Variants in LRFN2 observed in about 807,000 individuals in gnomAD.
The protein encoded by LRFN2 is leucine-rich repeat and fibronectin type-III domain-containing protein 2.
Under a neutral mutation model 37.3 loss-of-function variants are expected in LRFN2, and 18 were observed. The observed-to-expected ratio is 0.48, with a 90% CI of 0.33 to 0.72. The LOEUF is 0.72. Among genes scored for constraint, LRFN2 ranks in the 30% least tolerant of loss-of-function variants. The pLI, the probability that LRFN2 is intolerant of heterozygous loss-of-function variation, is 0.02. For missense variants in LRFN2, 1,006 were observed against 1,060.7 expected, an observed-to-expected ratio of 0.95 and a Z score of 0.72; for synonymous variants, 556 against 466.6, an observed-to-expected ratio of 1.19 and a Z score of -2.47.
chr6:40,517,412 C>T (rs1160945957), intron 1 of LRFN2: 1 of 152,172 alleles, frequency 6.6e-6, no homozygotes, highest in Non-Finnish European at 1.5e-5. Flanking sequence ...AAATGCACAC[C>T]TTTCCACTGG....
intron 1 of LRFN2, among the ~76,000 whole-genome samples, chr6:40,521,822 C>T (rs745758603): frequency 4.6e-5 from 7 of 152,212 alleles, no homozygotes; most frequent in Non-Finnish European, 1.0e-4. Context: ...AGAAGCTGAA[C>T]ACAGACCACA....
chr6:40,436,750 G>A (rs75745636), intron 1 of LRFN2, among the ~76,000 whole-genome samples: 17,153 of 152,120 alleles, frequency 0.11, 1,080 homozygotes, highest in Non-Finnish European at 0.13. Flanking sequence ...TGGCCTTCTT[G>A]GTCTCTACTT....
chr6:40,420,801 C>G (rs1001770418), intron 2 of LRFN2, among the ~76,000 whole-genome samples: 2 of 152,216 alleles, frequency 1.3e-5, no homozygotes, highest in African/African-American at 4.8e-5. Flanking sequence ...TTCCCAGATG[C>G]AGACCCTGAG....
chr6:40,431,679 C>A lies in LRFN2; in HGVS notation c.1400+35G>T, dbSNP rs1205484349. 2.0e-6 allele frequency: 3 copies of A among 1,489,906 alleles called. No homozygotes were observed. In the South Asian group the frequency reaches 4.2e-5, roughly 21 times the overall value. 92.3% of individuals were successfully genotyped at this position (1,489,906 alleles called of 1,614,324 possible). A position where few individuals can be genotyped will look rare whatever the true frequency, so the allele number is the denominator to read the frequency against. ...ATCCCCTCCTCCTTCCCCAGCCAGA[C>A]ACCCTCCCTGCCTTTGCCACAGCCG... On this transcript the variant is annotated intron_variant, in intron 2 of 2. Coordinates refer to ENST00000338305, the MANE Select transcript of LRFN2 (RefSeq NM_020737.3).
rs186835995 is a variant in LRFN2, at chr6:40,489,244, A to G, written c.-18-56113T>C. On this transcript the variant is annotated intron_variant, in intron 1 of 2. Coordinates refer to ENST00000338305, the MANE Select transcript of LRFN2 (RefSeq NM_020737.3). ...AGACCTCCCACCAGAAAACAAAAAC[A>G]CGAACAACAGAACAATAGAGCACCC... Among the ~76,000 whole-genome samples, 236 of 152,330 alleles carry G rather than the reference A, an allele frequency of 1.5e-3. 1 individual carries two copies. Among genetic ancestry groups the G allele is most frequent in the African/African-American group, 4.7e-3 (195 of 41,572 alleles).
At chr6:40,541,493 C>T (rs1454999604) in intron 1 of LRFN2, among the ~76,000 whole-genome samples, 8 of 152,114 alleles carry the variant, frequency 5.3e-5, no homozygotes, top group African/African-American at 1.9e-4. Flanking sequence ...GGTGATAGGG[C>T]CTGGGTGGGT....
chr6:40,556,735 ACACACACACACACACACG>A (rs1238238816), intron 1 of LRFN2, among the ~76,000 whole-genome samples: 27 of 146,982 alleles, frequency 1.8e-4, no homozygotes, highest in Admixed American at 1.4e-3. Context: ...ACACACACAC[ACACACACACACACACACG>A]CACACACTCC....
At chr6:40,565,344 A>G (rs1037831756) in intron 1 of LRFN2, among the ~76,000 whole-genome samples, 30 of 152,166 alleles carry the variant, frequency 2.0e-4, no homozygotes, top group Non-Finnish European at 3.8e-4. Context: ...CATCCCCATC[A>G]AGCTACCAAT....
intron 1 of LRFN2, among the ~76,000 whole-genome samples, chr6:40,456,786 A>G (rs1764244770): frequency 1.3e-5 from 2 of 152,188 alleles, no homozygotes; most frequent in African/African-American, 4.8e-5. Flanking sequence ...TCTCCAAGGA[A>G]GGAGAGAAAA....
At chr6:40,459,201 G>T (rs1764295266) in intron 1 of LRFN2, among the ~76,000 whole-genome samples, 1 of 152,172 alleles carries the variant, frequency 6.6e-6, no homozygotes, top group South Asian at 2.1e-4. Context: ...GGTGCCCTTT[G>T]GGTCTCACTG....
intron 1 of LRFN2, among the ~76,000 whole-genome samples, chr6:40,490,500 C>T (rs1765064964): frequency 6.6e-6 from 1 of 152,198 alleles, no homozygotes; most frequent in African/African-American, 2.4e-5. Flanking sequence ...GAAGGACCCC[C>T]AGGGGAAAAG....
At chr6:40,565,164 A>G (rs905176903) in intron 1 of LRFN2, among the ~76,000 whole-genome samples, 2 of 152,178 alleles carry the variant, frequency 1.3e-5, no homozygotes, top group Non-Finnish European at 2.9e-5. Context: ...GCTAACATTA[A>G]TCCAACTTAC....
intron 1 of LRFN2, among the ~76,000 whole-genome samples, chr6:40,454,475 C>T (rs930761836): frequency 6.6e-6 from 1 of 152,094 alleles, no homozygotes; most frequent in Non-Finnish European, 1.5e-5. Flanking sequence ...GGGCTGTCTG[C>T]AAAGAGCCTG....
intron 1 of LRFN2, among the ~76,000 whole-genome samples, chr6:40,583,278 G>T (rs1268273546): frequency 3.7e-5 from 4 of 107,646 alleles, no homozygotes; most frequent in African/African-American, 1.6e-4. Context: ...ATGGGAGGGT[G>T]TGATTAGGAG....
At chr6:40,474,747 C>T (rs1764673364) in intron 1 of LRFN2, among the ~76,000 whole-genome samples, 2 of 152,166 alleles carry the variant, frequency 1.3e-5, no homozygotes, top group South Asian at 4.1e-4. Flanking sequence ...ACCTTGGCCT[C>T]CCAAAGTGCT....
At chr6:40,543,217 C>T (rs1012947911) in intron 1 of LRFN2, among the ~76,000 whole-genome samples, 4 of 152,226 alleles carry the variant, frequency 2.6e-5, no homozygotes, top group Non-Finnish European at 2.9e-5. Flanking sequence ...TGCTTTATAG[C>T]GCAGAGTCCA....
rs192845497 is a variant in LRFN2, at chr6:40,455,987, C to G, written c.-18-22856G>C. ...CTCTTTCTGGCTTTGATGGTGCAAACTAGCATGTTGTGGAGAAGGCCATGC... is the reference window on the plus strand; with the variant it reads ...CTCTTTCTGGCTTTGATGGTGCAAAGTAGCATGTTGTGGAGAAGGCCATGC... On this transcript the variant is annotated intron_variant, in intron 1 of 2. Transcript: ENST00000338305. Among the ~76,000 whole-genome samples the G allele has an allele frequency of 2.0e-5, 3 of 152,232 alleles. No homozygotes were observed. In the East Asian group the frequency reaches 5.8e-4, roughly 29 times the overall value.
chr6:40,470,731 C>T (rs1764575737), intron 1 of LRFN2, among the ~76,000 whole-genome samples: 1 of 152,204 alleles, frequency 6.6e-6, no homozygotes, highest in African/African-American at 2.4e-5. Context: ...AGGTTCAGCC[C>T]ACCTGGCTTC....
At chr6:40,467,510 G>A (rs1764497715) in intron 1 of LRFN2, among the ~76,000 whole-genome samples, 1 of 152,166 alleles carries the variant, frequency 6.6e-6, no homozygotes, top group Non-Finnish European at 1.5e-5. Context: ...GACAGTGTCT[G>A]AGGGACACAG....
Sources: gnomAD v4.1 joint callset for allele counts (sites outside exome capture counted in the v4.1 genomes callset) on GRCh38, gnomAD v4.1.1 for gene constraint, MANE v1.5 for transcripts, NCBI Gene and HGNC (gene_info 2026-07-23, HGNC 2026-07-21) for gene names.